ZCCHC17: variants seen among roughly 807,000 people sequenced by gnomAD.
ZCCHC17 encodes the protein zinc finger CCHC-type containing 17.
ZCCHC17 carries 18 observed loss-of-function variants against 30.6 expected under a neutral mutation model. That is an observed-to-expected ratio of 0.59 (90% confidence interval 0.41 to 0.87). The LOEUF is 0.87. ZCCHC17 is among the 40% of genes least tolerant of loss of function. ZCCHC17 has a pLI of 0.00. For synonymous variants in ZCCHC17, 88 were observed against 92.4 expected, an observed-to-expected ratio of 0.95 and a Z score of 0.27; for missense variants, 263 against 284.2, an observed-to-expected ratio of 0.93 and a Z score of 0.54.
chr1:31,323,333 T>TC (rs1248202928), intron 3 of ZCCHC17, among the ~76,000 whole-genome samples: 12 of 152,072 alleles, frequency 7.9e-5, no homozygotes, highest in Non-Finnish European at 1.8e-4. Context: ...CTTTCTTTTT[T>TC]TTTTTTGAGA....
At chr1:31,332,246 T>G (rs1049818503) in intron 3 of ZCCHC17, among the ~76,000 whole-genome samples, 2 of 152,222 alleles carry the variant, frequency 1.3e-5, no homozygotes, top group Admixed American at 6.5e-5. Flanking sequence ...CCTGCACTTA[T>G]ATCTACAGTT....
intron 2 of ZCCHC17, among the ~76,000 whole-genome samples, chr1:31,316,733 G>A (rs1316776476): frequency 6.6e-6 from 1 of 152,084 alleles, no homozygotes; most frequent in Non-Finnish European, 1.5e-5. Flanking sequence ...TTAATTTTAA[G>A]CATCTGTGTG....
chr1:31,327,404 G>A (rs888774632), intron 3 of ZCCHC17, among the ~76,000 whole-genome samples: 2 of 152,218 alleles, frequency 1.3e-5, no homozygotes, highest in Non-Finnish European at 2.9e-5. Flanking sequence ...CAGAAGTCAG[G>A]AAAACACTTT....
At chr1:31,298,354 C>T (rs1400312537) in intron 1 of ZCCHC17, among the ~76,000 whole-genome samples, 1 of 151,162 alleles carries the variant, frequency 6.6e-6, no homozygotes, top group African/African-American at 2.4e-5. Flanking sequence ...GGATAGGGAA[C>T]ACTAGAAGAT....
intron 2 of ZCCHC17, among the ~76,000 whole-genome samples, chr1:31,317,455 A>G (rs991191708): frequency 2.0e-5 from 3 of 152,220 alleles, no homozygotes; most frequent in Non-Finnish European, 4.4e-5. Context: ...TACCTATGTC[A>G]GTCACTTTAT....
In ZCCHC17 at chr1:31,364,327, C is replaced by A. The variant is rs3766294; in HGVS notation, c.*134C>A. On this transcript the variant is annotated 3_prime_UTR_variant, in exon 8 of 8. Transcript: ENST00000344147. Reference sequence around the variant, plus strand: ...TTCGCTCCCATGGGAGATGGCTTCCCCTCATGCAACAGGCAGGTTTGGGAG... The same window carrying A: ...TTCGCTCCCATGGGAGATGGCTTCCACTCATGCAACAGGCAGGTTTGGGAG... 7.8e-6 allele frequency: 11 copies of A among 1,412,594 alleles called. No homozygotes were observed. The Admixed American group carries it at 1.1e-4, about 15-fold the overall frequency. 87.5% of individuals were successfully genotyped at this position (1,412,594 alleles called of 1,614,324 possible).
intron 2 of ZCCHC17, among the ~76,000 whole-genome samples, chr1:31,311,995 C>G (rs1646616276): frequency 6.6e-6 from 1 of 152,200 alleles, no homozygotes; most frequent in Admixed American, 6.5e-5. Context: ...TTTGTCACCT[C>G]CAAAGGACAC....
At chr1:31,357,694 C>T (rs1639694477) in intron 7 of ZCCHC17, among the ~76,000 whole-genome samples, 1 of 151,506 alleles carries the variant, frequency 6.6e-6, no homozygotes, top group Non-Finnish European at 1.5e-5. Context: ...GATAGGGAGT[C>T]CTAGAATGAG....
chr1:31,325,889 G>A (rs1256306177), intron 3 of ZCCHC17, among the ~76,000 whole-genome samples: 2 of 152,016 alleles, frequency 1.3e-5, no homozygotes, highest in Admixed American at 1.3e-4. Context: ...AGTTAGCTGG[G>A]TGTGGTGGCA....
chr1:31,319,297 G>A, intron 3 of ZCCHC17, 131 bp downstream of exon 3: 1 of 695,258 alleles, frequency 1.4e-6, no homozygotes, highest in Non-Finnish European at 2.4e-6. Context: ...TTAATGTATA[G>A]ATATGAATAC....
chr1:31,347,164 A>C (rs183994581), intron 6 of ZCCHC17, among the ~76,000 whole-genome samples: 2 of 152,366 alleles, frequency 1.3e-5, no homozygotes, highest in Non-Finnish European at 2.9e-5. Flanking sequence ...TTAATGTCAG[A>C]GTTCTGAATA....
chr1:31,304,658 C>T (rs1163993997), intron 1 of ZCCHC17, among the ~76,000 whole-genome samples: 4 of 149,758 alleles, frequency 2.7e-5, no homozygotes, highest in Admixed American at 2.7e-4. Flanking sequence ...TACAATGGTA[C>T]GATCTTGGTT....
chr1:31,335,846 A>G (rs1638793697), intron 3 of ZCCHC17, among the ~76,000 whole-genome samples: 2 of 152,222 alleles, frequency 1.3e-5, no homozygotes, highest in African/African-American at 2.4e-5. Context: ...TTAATGGATT[A>G]AAAATAGTAG....
In ZCCHC17 at chr1:31,364,167, A is replaced by G; in HGVS notation, c.700A>G (p.Lys234Glu). ...AGCAAAGAAGAAGAAAAAGAAGAAG[A>G]AGCACAAGAAGAAGCACAAGGAGTG... ...KAAKKKKKKK[K>E]HKKKHKE The change falls in exon 8 of 8, where the codon AAG becomes GAG. Residue 234 changes from lysine (K) to glutamate (E), a missense_variant. Physicochemically the swap from Lys to Glu is moderately conservative, Grantham distance 56 (BLOSUM62 1). Coordinates refer to ENST00000344147, the MANE Select transcript of ZCCHC17 (RefSeq NM_016505.4). 6.2e-7 allele frequency: 1 copy of G among 1,613,580 alleles called. No individual in the cohort carries two copies. Among genetic ancestry groups the G allele is most frequent in the Non-Finnish European group, 8.5e-7 (1 of 1,179,766 alleles).
chr1:31,321,035 G>A (rs913844889), intron 3 of ZCCHC17, among the ~76,000 whole-genome samples: 1 of 152,152 alleles, frequency 6.6e-6, no homozygotes, highest in Non-Finnish European at 1.5e-5. Context: ...ATGATGTTAA[G>A]TCTCTTTTCT....
At chr1:31,311,574 G>A (rs944158432) in intron 2 of ZCCHC17, among the ~76,000 whole-genome samples, 8 of 152,350 alleles carry the variant, frequency 5.3e-5, no homozygotes, top group South Asian at 4.1e-4. Flanking sequence ...CAGATTTGGT[G>A]TCTAGTGAAG....
chr1:31,343,131 AGTG>A (rs1028458404), intron 5 of ZCCHC17, among the ~76,000 whole-genome samples: 8 of 152,306 alleles, frequency 5.3e-5, no homozygotes, highest in South Asian at 4.1e-4. Context: ...GCTGGAGTAC[AGTG>A]GCATGATCTC....
intron 3 of ZCCHC17, among the ~76,000 whole-genome samples, chr1:31,324,733 C>T (rs1441774095): frequency 6.6e-6 from 1 of 152,180 alleles, no homozygotes; most frequent in African/African-American, 2.4e-5. Context: ...AGGAGGGAGG[C>T]CAAAGGGGTG....
intron 3 of ZCCHC17, among the ~76,000 whole-genome samples, chr1:31,335,239 T>C (rs934735601): frequency 6.6e-6 from 1 of 152,250 alleles, no homozygotes; most frequent in African/African-American, 2.4e-5. Flanking sequence ...AGATTGGCTT[T>C]GGCAATTTTT....
Sources: allele counts gnomAD v4.1 joint callset (sites outside exome capture counted in the v4.1 genomes callset), GRCh38; gene constraint gnomAD v4.1.1; transcripts MANE v1.5; gene names NCBI Gene and HGNC (gene_info 2026-07-23, HGNC 2026-07-21).